CCSER1: variants seen among roughly 807,000 people sequenced by gnomAD.
The protein encoded by CCSER1 is coiled-coil serine rich protein 1.
In CCSER1, 41 loss-of-function variants were observed where a neutral mutation model predicts 82.0. That is an observed-to-expected ratio of 0.50 (90% CI 0.39 to 0.65). CCSER1 has a LOEUF of 0.65. Among genes scored for constraint, CCSER1 ranks in the 30% least tolerant of loss-of-function variants. The pLI, the probability that CCSER1 is intolerant of heterozygous loss-of-function variation, is 0.00. For missense variants in CCSER1, 1,119 were observed against 1,064.2 expected, an observed-to-expected ratio of 1.05 and a Z score of -0.72; for synonymous variants, 414 against 383.9, an observed-to-expected ratio of 1.08 and a Z score of -0.92.
chr4:90,526,438 T>C (rs1412366317), intron 5 of CCSER1, among the ~76,000 whole-genome samples: 1 of 152,100 alleles, frequency 6.6e-6, no homozygotes, highest in Admixed American at 6.6e-5. Context: ...CTGGGATACA[T>C]GTGCAGAACA....
intron 4 of CCSER1, among the ~76,000 whole-genome samples, chr4:90,400,988 A>C (rs566917199): frequency 6.6e-6 from 1 of 152,292 alleles, no homozygotes; most frequent in Admixed American, 6.5e-5. Context: ...TAATTCGTGG[A>C]AATTAGACAT....
At chr4:90,822,455 C>G (rs944175938) in intron 8 of CCSER1, among the ~76,000 whole-genome samples, 35 of 152,102 alleles carry the variant, frequency 2.3e-4, no homozygotes, top group Non-Finnish European at 4.7e-4. Context: ...TTGGCTGGGC[C>G]TGGTGACTCA....
chr4:90,318,313 C>A (rs1561018692), intron 3 of CCSER1, among the ~76,000 whole-genome samples: 1 of 152,074 alleles, frequency 6.6e-6, no homozygotes, highest in Non-Finnish European at 1.5e-5. Flanking sequence ...TATTTATTTT[C>A]ATTGCACCAA....
intron 10 of CCSER1, among the ~76,000 whole-genome samples, chr4:91,131,209 A>G (rs1465223417): frequency 6.6e-6 from 1 of 151,988 alleles, no homozygotes; most frequent in Non-Finnish European, 1.5e-5. Flanking sequence ...TGTTCTGAAA[A>G]TGTCATTCAT....
chr4:90,781,750 C>A, intron 7 of CCSER1: 4 of 966,610 alleles, frequency 4.1e-6, no homozygotes, highest in Non-Finnish European at 4.9e-6. Context: ...AGTATGAAAA[C>A]CTGTCTTTTG....
intron 3 of CCSER1, among the ~76,000 whole-genome samples, chr4:90,357,247 G>C (rs1336058817): frequency 6.6e-6 from 1 of 151,858 alleles, no homozygotes; most frequent in East Asian, 1.9e-4. Flanking sequence ...CCCCATAGCA[G>C]GTATAGGCCA....
chr4:90,139,282 C>T (rs932735551), intron 1 of CCSER1, among the ~76,000 whole-genome samples: 4 of 152,212 alleles, frequency 2.6e-5, no homozygotes, highest in African/African-American at 7.2e-5. Context: ...AAATTATGTG[C>T]CTGTATATAT....
chr4:91,104,714 A>C lies in CCSER1; in HGVS notation c.2217+18720A>C, dbSNP rs140387005. Among the ~76,000 whole-genome samples the C allele has an allele frequency of 6.6e-5, 10 of 152,306 alleles. No individual in the cohort carries two copies. The East Asian group carries it at 1.9e-3, about 29-fold the overall frequency. ...CTGGAGGCTAGAAATCTTTTATGCC[A>C]GCTCAAAATCAGCAGGTTTAGTTTC... On this transcript the variant is annotated intron_variant, in intron 10 of 10. Coordinates refer to ENST00000509176, the MANE Select transcript of CCSER1 (RefSeq NM_001145065.2).
At chr4:91,003,111 C>T (rs1055496061) in intron 9 of CCSER1, among the ~76,000 whole-genome samples, 3 of 152,162 alleles carry the variant, frequency 2.0e-5, no homozygotes, top group Admixed American at 1.3e-4. Context: ...ATCTGCAGGT[C>T]TCATAGCCAT....
rs6814591 is a variant in CCSER1, at chr4:91,243,940, G to A, written c.2217+157946G>A. 4.6e-3 allele frequency among the ~76,000 whole-genome samples: 699 copies of A among 152,234 alleles called. 4 individuals carry two copies. Among genetic ancestry groups the A allele is most frequent in the African/African-American group, 0.016 (663 of 41,522 alleles). On this transcript the variant is annotated intron_variant, in intron 10 of 10. Transcript: ENST00000509176. ...TATGTACCAGCTTGGCTATAGTAGG[G>A]TAGAGCAATAAGCAAGCTCTTGGGG...
chr4:91,545,125 G>A lies in CCSER1; in HGVS notation c.2218-53447G>A, dbSNP rs1435369591. Among the ~76,000 whole-genome samples, 9 of 152,152 alleles carry A rather than the reference G, an allele frequency of 5.9e-5. No homozygotes were observed. The South Asian group carries it at 1.9e-3, about 32-fold the overall frequency. ...GCTCCGTGAGCTTGGGACCCTCCGA[G>A]CCATGTGTGGGATATAATCTCCTGG... On this transcript the variant is annotated intron_variant, in intron 10 of 10. Transcript: ENST00000509176.
chr4:90,303,597 C>T (rs372766445), intron 1 of CCSER1, among the ~76,000 whole-genome samples: 3,530 of 149,694 alleles, frequency 0.024, 117 homozygotes, highest in African/African-American at 0.074. Context: ...TGGCTAGCCA[C>T]ATGTAGAAAG....
At chr4:90,513,628 T>C (rs1267201590) in intron 5 of CCSER1, among the ~76,000 whole-genome samples, 1 of 152,126 alleles carries the variant, frequency 6.6e-6, no homozygotes, top group Admixed American at 6.5e-5. Flanking sequence ...GCACAATGGA[T>C]CTTTGCTGAA....
chr4:90,985,329 C>T (rs954048859), intron 9 of CCSER1, among the ~76,000 whole-genome samples: 1 of 151,134 alleles, frequency 6.6e-6, no homozygotes, highest in Non-Finnish European at 1.5e-5. Flanking sequence ...CTTATTTTTA[C>T]CTTTACTGTT....
chr4:90,732,957 A>G (rs1193512149), intron 7 of CCSER1, among the ~76,000 whole-genome samples: 2 of 152,124 alleles, frequency 1.3e-5, no homozygotes, highest in African/African-American at 4.8e-5. Context: ...TTATTTGCAA[A>G]TCTTGACTGC....
intron 10 of CCSER1, among the ~76,000 whole-genome samples, chr4:91,332,365 T>C: frequency 6.6e-6 from 1 of 151,692 alleles, no homozygotes. Context: ...TGTGGGAAAA[T>C]AGATCAAAGT....
chr4:90,636,825 C>G (rs563778402), intron 6 of CCSER1, among the ~76,000 whole-genome samples: 71 of 152,048 alleles, frequency 4.7e-4, no homozygotes, highest in Middle Eastern at 3.4e-3. Context: ...GAGGTCCTAG[C>G]TAGGAATGAG....
At chr4:91,190,417 T>A (rs1291399926) in intron 10 of CCSER1, among the ~76,000 whole-genome samples, 1 of 152,214 alleles carries the variant, frequency 6.6e-6, no homozygotes, top group Non-Finnish European at 1.5e-5. Flanking sequence ...CTTATCTTCT[T>A]ATATATCATA....
At chr4:90,249,296 G>A (rs1051826845) in intron 1 of CCSER1, among the ~76,000 whole-genome samples, 3 of 152,104 alleles carry the variant, frequency 2.0e-5, no homozygotes, top group Non-Finnish European at 4.4e-5. Context: ...AGCTTGCTAG[G>A]ATAACAGTTG....
Sources: allele counts gnomAD v4.1 joint callset (sites outside exome capture counted in the v4.1 genomes callset), GRCh38; gene constraint gnomAD v4.1.1; transcripts MANE v1.5; gene names NCBI Gene and HGNC (gene_info 2026-07-23, HGNC 2026-07-21).